Variants in CBL observed in about 807,000 individuals in gnomAD.
CBL encodes Cbl proto-oncogene, also known as E3 ubiquitin-protein ligase CBL.
CBL carries 45 observed loss-of-function variants against 96.9 expected under a neutral mutation model. The ratio of observed to expected loss-of-function variants is 0.46; its 90% confidence interval spans 0.37 to 0.60. The LOEUF (loss-of-function observed/expected upper bound fraction) is 0.60, where lower values mean the gene tolerates loss of function less well. CBL is among the 20% of genes least tolerant of loss of function. CBL has a pLI of 0.00. For missense variants in CBL, 1,024 were observed against 1,143.5 expected (o/e 0.90, Z 1.51); for synonymous variants, 420 against 426.8 (o/e 0.98, Z 0.20).
chr11:119,277,091 C>T (rs1592400147), intron 6 of CBL, among the ~76,000 whole-genome samples: 1 of 152,040 alleles, frequency 6.6e-6, no homozygotes, highest in Non-Finnish European at 1.5e-5. Flanking sequence ...ACTAAAAGTA[C>T]AAAAAGTTAG....
intron 1 of CBL, among the ~76,000 whole-genome samples, chr11:119,213,929 G>A (rs1038703219): frequency 3.3e-5 from 5 of 151,142 alleles, no homozygotes; most frequent in Admixed American, 1.3e-4. Context: ...ATGGAGGGGG[G>A]CATTCATCTT....
chr11:119,284,993 T>C lies in CBL; in HGVS notation c.1456T>C (p.Ser486Pro), dbSNP rs1949969366. ...AKVERPPSPF[S>P]MAPQASLPPV... ...GGTGGAACGGCCGCCTTCTCCATTC[T>C]CCATGGCCCCACAAGCTTCCCTTCC... Residue 486 changes from serine to proline, a missense_variant, in exon 10 of 16, where the codon TCC (serine) becomes CCC (proline). Coordinates refer to ENST00000264033, the MANE Select transcript of CBL (RefSeq NM_005188.4). 1 of 1,614,152 alleles carries C rather than the reference T, an allele frequency of 6.2e-7. No individual in the cohort carries two copies. The highest frequency in any genetic ancestry group is 8.5e-7 in the Non-Finnish European group (1 of 1,180,018).
intron 1 of CBL, among the ~76,000 whole-genome samples, chr11:119,226,354 T>G (rs1949458441): frequency 6.6e-6 from 1 of 152,216 alleles, no homozygotes. Context: ...TAACATTTAT[T>G]GAATGCGATT....
intron 2 of CBL, among the ~76,000 whole-genome samples, chr11:119,258,932 T>C (rs534971820): frequency 1.3e-5 from 2 of 152,314 alleles, no homozygotes; most frequent in African/African-American, 4.8e-5. Context: ...TTCCATTTGT[T>C]TGTGTATTCT....
At chr11:119,273,801 G>T in intron 3 of CBL, 67 bp from the exon 4 acceptor site, 1 of 1,409,610 alleles carries the variant, frequency 7.1e-7, no homozygotes, top group South Asian at 1.2e-5. Context: ...TCCTTTCCTT[G>T]ATTATGGCGA....
chr11:119,215,150 A>G (rs1445594436), intron 1 of CBL, among the ~76,000 whole-genome samples: 2 of 152,056 alleles, frequency 1.3e-5, no homozygotes, highest in Non-Finnish European at 2.9e-5. Context: ...ACCAGGGAAG[A>G]AGATTGTATG....
intron 7 of CBL, 30 bp from the exon 8 acceptor site, chr11:119,278,136 T>C (rs1221488102): frequency 6.6e-7 from 1 of 1,504,336 alleles, no homozygotes; most frequent in Admixed American, 1.7e-5. Context: ...TTTATTCAAC[T>C]AATAGTCTTT....
intron 12 of CBL, among the ~76,000 whole-genome samples, chr11:119,290,208 G>C (rs1950015178): frequency 1.3e-5 from 2 of 151,748 alleles, no homozygotes; most frequent in South Asian, 4.2e-4. Flanking sequence ...ACCACACTCA[G>C]CTAATTTTTG....
At position 119,219,055 on chromosome 11, in the gene CBL, T is replaced by A. The variant is rs77522670; in HGVS notation, c.195+12443T>A. ...CATGTGGTGAAACCCTTCTTTATTT[T>A]AAAAAAAAATTTTGAAGAAGCAAAA... On this transcript the variant is annotated intron_variant, in intron 1 of 15. Coordinates refer to ENST00000264033, the MANE Select transcript of CBL (RefSeq NM_005188.4). Among the ~76,000 whole-genome samples the A allele has an allele frequency of 8.0e-3, 1,209 of 151,694 alleles. 13 individuals are homozygous for A. The highest frequency in any genetic ancestry group is 0.027 in the African/African-American group (1,113 of 41,366).
chr11:119,230,821 A>G (rs536911765), intron 1 of CBL, among the ~76,000 whole-genome samples: 1 of 152,388 alleles, frequency 6.6e-6, no homozygotes, highest in African/African-American at 2.4e-5. Context: ...CCATGTAAAT[A>G]GAAAGCACAA....
rs1555230585 is a variant in CBL at position 119,285,186 on chromosome 11, C to T, written c.1564-3C>T. On this transcript the variant is annotated splice_polypyrimidine_tract_variant and splice_region_variant and intron_variant, in intron 10 of 15. Transcript: ENST00000264033. ...CTGATTTGCTTTCACCCTGCTTCCA[C>T]AGGCTGCTTCTGGCTCCCTTCATAA... The T allele has an allele frequency of 5.6e-6, 9 of 1,614,194 alleles. No homozygotes were observed. Among genetic ancestry groups the T allele is most frequent in the Non-Finnish European group, 7.6e-6 (9 of 1,180,044 alleles).
At chr11:119,226,271 C>A (rs750109326) in intron 1 of CBL, among the ~76,000 whole-genome samples, 50 of 152,274 alleles carry the variant, frequency 3.3e-4, no homozygotes, top group Admixed American at 3.3e-3. Context: ...GTCCACTATT[C>A]TGTCTTTAGT....
At chr11:119,235,384 T>G (rs576950985) in intron 2 of CBL, among the ~76,000 whole-genome samples, 1 of 152,268 alleles carries the variant, frequency 6.6e-6, no homozygotes, top group South Asian at 2.1e-4. Context: ...ATTTTATATG[T>G]ATTCTCACAA....
At chr11:119,262,588 C>T (rs1949762131) in intron 2 of CBL, among the ~76,000 whole-genome samples, 1 of 152,116 alleles carries the variant, frequency 6.6e-6, no homozygotes, top group Non-Finnish European at 1.5e-5. Context: ...TAATATTTTC[C>T]AGTTCAGTTC....
intron 2 of CBL, among the ~76,000 whole-genome samples, chr11:119,268,535 A>G (rs980161353): frequency 1.3e-5 from 2 of 152,248 alleles, no homozygotes; most frequent in African/African-American, 4.8e-5. Flanking sequence ...AGGTGCTAGC[A>G]TTCGAGTGGA....
At position 119,291,731 on chromosome 11, in the gene CBL, A is replaced by T. The variant is rs548902922; in HGVS notation, c.2036+3785A>T. On this transcript the variant is annotated intron_variant, in intron 12 of 15. Coordinates refer to ENST00000264033, the MANE Select transcript of CBL (RefSeq NM_005188.4). The stretch of plus-strand genomic sequence containing the variant: ...TCAAAAAATAAAAATATATATTTTT[A>T]AAAAAATGATAATGCTTATTTTCCT... Among the ~76,000 whole-genome samples the T allele has an allele frequency of 2.1e-3, 322 of 152,348 alleles. 2 individuals are homozygous for T. Among genetic ancestry groups the T allele is most frequent in the African/African-American group, 6.8e-3 (283 of 41,576 alleles).
intron 1 of CBL, among the ~76,000 whole-genome samples, chr11:119,219,651 C>T (rs1051839832): frequency 2.0e-5 from 3 of 150,214 alleles, no homozygotes; most frequent in Non-Finnish European, 4.4e-5. Flanking sequence ...GAAGTTGCAT[C>T]GATAACTCTG....
rs143132980 is a variant in CBL, at chr11:119,298,465, C to T, written c.2359C>T (p.Arg787Cys). The T allele has an allele frequency of 7.7e-5, 124 of 1,614,022 alleles. No individual in the cohort carries two copies. In the Middle Eastern group the frequency reaches 2.0e-3, roughly 26 times the overall value. The change falls in exon 15 of 16, where the codon CGC (arginine) becomes TGC (cysteine). Residue 787 changes from arginine to cysteine, a missense_variant. Arg to Cys is a radical substitution (Grantham distance 180). Transcript: ENST00000264033. ...PKPPVPAVLARRTLSDISNAS... is the reference protein window; with the variant it reads ...PKPPVPAVLACRTLSDISNAS... ...GCCACCTGTGCCGGCCGTGCTGGCC[C>T]GCCGAACTCTCTCAGATATCTCTAA...
intron 2 of CBL, among the ~76,000 whole-genome samples, chr11:119,249,992 A>T (rs1949659325): frequency 6.6e-6 from 1 of 152,078 alleles, no homozygotes; most frequent in Non-Finnish European, 1.5e-5. Context: ...TGTCACTCAT[A>T]GATTTAATTC....
Sources: allele counts gnomAD v4.1 joint callset (sites outside exome capture counted in the v4.1 genomes callset), GRCh38; gene constraint gnomAD v4.1.1; transcripts MANE v1.5; gene names NCBI Gene and HGNC (gene_info 2026-07-23, HGNC 2026-07-21).